ABI1: variants seen among roughly 807,000 people sequenced by gnomAD.
ABI1 encodes the protein Abelson interactor 1.
Under a neutral mutation model 54.6 loss-of-function variants are expected in ABI1, and 14 were observed. The ratio of observed to expected loss-of-function variants is 0.26; its 90% CI spans 0.17 to 0.40. The LOEUF (loss-of-function observed/expected upper bound fraction) is 0.40. Among genes scored for constraint, ABI1 ranks in the 10% least tolerant of loss-of-function variants. The pLI is 1.00. For synonymous variants in ABI1, 194 were observed against 209.3 expected (o/e 0.93, Z 0.63); for missense variants, 443 against 598.3 (o/e 0.74, Z 2.71).
chr10:26,782,721 C>CAA (rs60447736), intron 2 of ABI1, among the ~76,000 whole-genome samples: 7 of 112,528 alleles, frequency 6.2e-5, no homozygotes, highest in Non-Finnish European at 9.7e-5. Context: ...GACTCTGTCT[C>CAA]AAAAAAAAAA....
At chr10:26,843,975 T>C (rs2049787788) in intron 1 of ABI1, among the ~76,000 whole-genome samples, 1 of 152,218 alleles carries the variant, frequency 6.6e-6, no homozygotes, top group African/African-American at 2.4e-5. Context: ...GAACAGAATA[T>C]GTCAGGACAT....
At chr10:26,782,735 AAAGAC>A (rs1393115606) in intron 2 of ABI1, among the ~76,000 whole-genome samples, 1 of 151,834 alleles carries the variant, frequency 6.6e-6, no homozygotes, top group Admixed American at 6.6e-5. Flanking sequence ...AAAAAAAAAA[AAAGAC>A]AGGCAAATGG....
At chr10:26,850,146 A>G (rs7094289) in intron 1 of ABI1, among the ~76,000 whole-genome samples, 2,279 of 152,358 alleles carry the variant, frequency 0.015, 45 homozygotes, top group African/African-American at 0.046. Context: ...AGAAGCAGAT[A>G]TAAGAATTTT....
At chr10:26,796,934 G>C (rs970684178) in intron 2 of ABI1, among the ~76,000 whole-genome samples, 1 of 152,074 alleles carries the variant, frequency 6.6e-6, no homozygotes, top group African/African-American at 2.4e-5. Context: ...TAGGGTTTGC[G>C]CTCCTGTGAG....
intron 2 of ABI1, among the ~76,000 whole-genome samples, chr10:26,781,708 T>C (rs1842134133): frequency 6.6e-6 from 1 of 152,216 alleles, no homozygotes; most frequent in East Asian, 1.9e-4. Context: ...AACTACAGAA[T>C]GACATATTTA....
intron 2 of ABI1, among the ~76,000 whole-genome samples, chr10:26,813,797 GT>G (rs531883836): frequency 1.7e-3 from 255 of 152,120 alleles, no homozygotes; most frequent in Non-Finnish European, 2.2e-3. Context: ...TTGGATAACA[GT>G]TTTTTTCATT....
chr10:26,766,703 G>A (rs1358663290), intron 6 of ABI1, among the ~76,000 whole-genome samples: 1 of 152,034 alleles, frequency 6.6e-6, no homozygotes, highest in Admixed American at 6.5e-5. Flanking sequence ...TTCAATTACT[G>A]TCTTTTTTCC....
intron 2 of ABI1, among the ~76,000 whole-genome samples, chr10:26,806,735 C>T (rs2046899536): frequency 6.6e-6 from 1 of 152,062 alleles, no homozygotes; most frequent in South Asian, 2.1e-4. Flanking sequence ...CAAGTTAACA[C>T]CTTACAGGGG....
Position 26,835,038 on chromosome 10 carries a change from G to T in ABI1, c.118-11733C>A, listed in dbSNP as rs140949870. On this transcript the variant is annotated intron_variant, in intron 1 of 10. Transcript: ENST00000376140. The stretch of plus-strand genomic sequence containing the variant: ...CAATCACCTGAACCGAGAGGCAGAG[G>T]CTGCAGTGCCACTGCACTCCAATGT... Among the ~76,000 whole-genome samples the T allele has an allele frequency of 2.3e-3, 329 of 143,808 alleles. 8 individuals carry two copies. In the South Asian group the frequency reaches 0.032, roughly 14 times the overall value. The allele number at this position is 143,808 out of a possible 152,430, so 94.3% of individuals were successfully genotyped here. A position where few individuals can be genotyped will look rare whatever the true frequency, so the allele number is the denominator to read the frequency against.
chr10:26,753,130 A>G (rs1479738437), intron 9 of ABI1, among the ~76,000 whole-genome samples: 1 of 152,170 alleles, frequency 6.6e-6, no homozygotes, highest in Non-Finnish European at 1.5e-5. Flanking sequence ...CTATTTCCAT[A>G]ACCACTTCAA....
At position 26,857,320 on chromosome 10, in the gene ABI1, CAAAA is replaced by C. The variant is rs71403897; in HGVS notation, c.117+3423_117+3426del. 8.9e-3 allele frequency among the ~76,000 whole-genome samples: 669 copies of C among 75,296 alleles called. 1 individual carries two copies. Among genetic ancestry groups the C allele is most frequent in the African/African-American group, 0.026 (622 of 24,264 alleles). 49.4% of individuals were successfully genotyped at this position (75,296 alleles called of 152,430 possible). A position where few individuals can be genotyped will look rare whatever the true frequency, so the allele number is the denominator to read the frequency against. ...CAGGCAATAGAGCGAGACTCCATCT[CAAAA>C]AAAAAAAAAAAAAAAAAAAAAAAAA... On this transcript the variant is annotated intron_variant, in intron 1 of 10. Coordinates refer to ENST00000376140, the MANE Select transcript of ABI1 (RefSeq NM_001012750.3).
rs1839521372 is a variant in ABI1, at chr10:26,763,626, A to C, written c.820+1592T>G. Among the ~76,000 whole-genome samples, 3 of 152,230 alleles carry C rather than the reference A, an allele frequency of 2.0e-5. No individual in the cohort carries two copies. In the South Asian group the frequency reaches 6.2e-4, roughly 32 times the overall value. On this transcript the variant is annotated intron_variant, in intron 7 of 10. Coordinates refer to ENST00000376140, the MANE Select transcript of ABI1 (RefSeq NM_001012750.3). ...TTAGACTAGAAAAATCTAAACAAAC[A>C]ACAAATTAAAAACACATTAAGTTGG...
chr10:26,795,261 AG>A (rs1232733631), intron 2 of ABI1, among the ~76,000 whole-genome samples: 1 of 152,208 alleles, frequency 6.6e-6, no homozygotes, highest in Non-Finnish European at 1.5e-5. Flanking sequence ...GAATATACAA[AG>A]GATCTGCAAT....
At chr10:26,817,143 G>A (rs1564535474) in intron 2 of ABI1, among the ~76,000 whole-genome samples, 1 of 151,766 alleles carries the variant, frequency 6.6e-6, no homozygotes, top group Non-Finnish European at 1.5e-5. Flanking sequence ...GGGATTACAG[G>A]TGCCTGCTAG....
intron 2 of ABI1, among the ~76,000 whole-genome samples, chr10:26,783,753 G>A (rs549419422): frequency 6.6e-6 from 1 of 152,180 alleles, no homozygotes; most frequent in Admixed American, 6.5e-5. Context: ...TGGAATTGAC[G>A]ATCTGGATTT....
intron 2 of ABI1, among the ~76,000 whole-genome samples, chr10:26,820,650 C>A (rs958038111): frequency 6.7e-6 from 1 of 150,034 alleles, no homozygotes; most frequent in Non-Finnish European, 1.5e-5. Flanking sequence ...TACAGTGGCG[C>A]GATCTCGGCT....
At chr10:26,775,407 C>A (rs1010175533) in intron 3 of ABI1, among the ~76,000 whole-genome samples, 1 of 151,974 alleles carries the variant, frequency 6.6e-6, no homozygotes, top group African/African-American at 2.4e-5. Flanking sequence ...TGTGAATGTA[C>A]TTAATGTCAC....
intron 3 of ABI1, among the ~76,000 whole-genome samples, chr10:26,771,867 G>A (rs971340570): frequency 1.3e-5 from 2 of 151,922 alleles, no homozygotes; most frequent in Non-Finnish European, 2.9e-5. Context: ...TATTAAAGCT[G>A]ACTAGCCTAC....
chr10:26,766,798 T>C (rs1840011276), intron 6 of ABI1, among the ~76,000 whole-genome samples: 2 of 152,242 alleles, frequency 1.3e-5, no homozygotes, highest in African/African-American at 4.8e-5. Flanking sequence ...GAATGTTTTT[T>C]ATATTTTTTA....
Sources: allele counts gnomAD v4.1 joint callset (sites outside exome capture counted in the v4.1 genomes callset), GRCh38; gene constraint gnomAD v4.1.1; transcripts MANE v1.5; gene names NCBI Gene and HGNC (gene_info 2026-07-23, HGNC 2026-07-21).